TRRAP: variants seen among roughly 807,000 people sequenced by gnomAD.
TRRAP encodes the protein transformation/transcription domain-associated protein.
TRRAP carries 41 observed loss-of-function variants against 438.8 expected under a neutral mutation model. That is an observed-to-expected ratio of 0.09 (90% CI 0.07 to 0.12). The LOEUF is 0.12. TRRAP is among the 10% of genes least tolerant of loss of function. The pLI, the probability that TRRAP is intolerant of heterozygous loss-of-function variation, is 1.00. For missense variants in TRRAP, 3,122 were observed against 5,055.1 expected, an observed-to-expected ratio of 0.62 and a Z score of 11.60; for synonymous variants, 1,994 against 1,962.9, an observed-to-expected ratio of 1.02 and a Z score of -0.42.
At chr7:98,950,569 G>C (rs369389290) in intron 38 of TRRAP, among the ~76,000 whole-genome samples, 8 of 152,192 alleles carry the variant, frequency 5.3e-5, no homozygotes, top group Admixed American at 3.3e-4. Flanking sequence ...AGAAAGTGCC[G>C]TTGCTCAGGA....
At chr7:99,009,921 G>C (rs1794354628) in intron 70 of TRRAP, among the ~76,000 whole-genome samples, 1 of 109,174 alleles carries the variant, frequency 9.2e-6, no homozygotes, top group African/African-American at 3.7e-5. Context: ...GAGTTTCGCT[G>C]TTGTTGCCCA....
chr7:98,881,767 A>G, intron 2 of TRRAP: 1 of 535,022 alleles, frequency 1.9e-6, no homozygotes, highest in Non-Finnish European at 3.3e-6. Context: ...GTGTGTGTAT[A>G]TGCTTGTCAG....
Position 98,899,466 on chromosome 7 carries a change from A to G in TRRAP, c.678A>G (p.Ala226=), listed in dbSNP as rs111802990. 1.9e-6 allele frequency: 3 copies of G among 1,614,066 alleles called. No individual in the cohort carries two copies. The highest frequency in any genetic ancestry group is 2.2e-5 in the South Asian group (2 of 91,084). Residue 226 remains alanine, a synonymous_variant, in exon 9 of 73, where the codon GCA becomes GCG. Coordinates refer to ENST00000456197, the MANE Select transcript of TRRAP (RefSeq NM_001375524.1). The part of the protein sequence containing the change: ...PRGSLSLKVL[A]ELPIIVVLMY... ...GATCACTTTCTCTGAAAGTGTTGGC[A>G]GAATTGCCCATTATTGTTGTTTTAA...
chr7:98,959,290 G>T, intron 44 of TRRAP, 54 bp from the exon 45 acceptor site: 2 of 1,596,490 alleles, frequency 1.3e-6, no homozygotes, highest in South Asian at 2.3e-5. Flanking sequence ...TCACTGGAAT[G>T]ACTGTAAACT....
intron 9 of TRRAP, 27 bp from the exon 10 acceptor site, chr7:98,899,652 A>G (rs1562931439): frequency 3.7e-6 from 6 of 1,613,458 alleles, no homozygotes; most frequent in Admixed American, 1.7e-5. Context: ...GTGTCAATGT[A>G]TGAAAATCTG....
rs781813868 is a variant in TRRAP at position 98,937,318 on chromosome 7, A to G, written c.4233+41A>G. 1.3e-5 allele frequency: 20 copies of G among 1,594,026 alleles called. No homozygotes were observed. The East Asian group carries it at 4.0e-4, about 32-fold the overall frequency. On this transcript the variant is annotated intron_variant, in intron 29 of 72. Coordinates refer to ENST00000456197, the MANE Select transcript of TRRAP (RefSeq NM_001375524.1). ...TGCGTGTATGCGCACGCGTGTGTGC[A>G]CACACATGTGTGTGTACTCTGCATT...
chr7:98,999,117 C>T (rs142375607), intron 67 of TRRAP: 14 of 1,532,426 alleles, frequency 9.1e-6, no homozygotes, highest in Middle Eastern at 1.8e-4. Context: ...GAGTGGCCAC[C>T]GAAGGGCACT....
chr7:98,946,023 C>G, intron 33 of TRRAP, 73 bp downstream of exon 33: 1 of 1,347,512 alleles, frequency 7.4e-7, no homozygotes, highest in Non-Finnish European at 9.6e-7. Context: ...TTAGCTGTGT[C>G]GTGGTTCTGT....
At chr7:99,009,918 G>A (rs530507325) in intron 70 of TRRAP, among the ~76,000 whole-genome samples, 25 of 118,260 alleles carry the variant, frequency 2.1e-4, no homozygotes, top group South Asian at 1.5e-3. Flanking sequence ...ATAGAGTTTC[G>A]CTGTTGTTGC....
chr7:98,930,646 C>T lies in TRRAP; in HGVS notation c.3407C>T (p.Pro1136Leu). Residue 1136 changes from proline to leucine, a missense_variant, in exon 25 of 73, where the codon CCC becomes CTC. By Grantham distance (98) the Pro-to-Leu change is moderately conservative (BLOSUM62 -3). Transcript: ENST00000456197. Reference protein sequence around the residue: ...LGSKERACQLPLFSYIVERLC... With the variant: ...LGSKERACQLLLFSYIVERLC... ...TTTCCTCTCCAGGCCTGCCAGCTGC[C>T]CCTGTTTTCTTACATCGTGGAGCGC... 1 of 1,613,712 alleles carries T rather than the reference C, an allele frequency of 6.2e-7. No individual in the cohort carries two copies. Among genetic ancestry groups the T allele is most frequent in the Non-Finnish European group, 8.5e-7 (1 of 1,179,992 alleles).
Position 98,949,819 on chromosome 7 carries a change from T to C in TRRAP, c.5113T>C (p.Tyr1705His). 1 of 1,613,502 alleles carries C rather than the reference T, an allele frequency of 6.2e-7. No homozygotes were observed. Among genetic ancestry groups the C allele is most frequent in the Non-Finnish European group, 8.5e-7 (1 of 1,179,886 alleles). The change falls in exon 37 of 73, where the codon TAC becomes CAC. Residue 1705 changes from tyrosine to histidine, a missense_variant. This residue lies in a region of TRRAP where 272 missense variants were observed against 348.5 expected (regional missense o/e 0.78). Transcript: ENST00000456197. ...CTGGAAGGAGCCCAAGCTGCTGGCC[T>C]ACTGCCTGCTGAACTACTGCAAGTG... ...TNWKEPKLLA[Y>H]CLLNYCKRNY...
intron 18 of TRRAP, 127 bp downstream of exon 18, chr7:98,912,340 C>T: frequency 2.1e-6 from 2 of 969,626 alleles, no homozygotes; most frequent in East Asian, 2.8e-5. Context: ...GCCTTGATCT[C>T]CCCAGTTTTT....
chr7:98,992,010 C>G, intron 64 of TRRAP, 127 bp from the exon 65 acceptor site: 1 of 1,015,990 alleles, frequency 9.8e-7, no homozygotes. Flanking sequence ...GCAGTATTTG[C>G]TTCCTTGGTC....
chr7:98,986,486 G>A lies in TRRAP; in HGVS notation c.9389+1442G>A, dbSNP rs1241924764. ...TATCTGATTATAGCCATCCTAATGAGTATAAAATATATTTCATTGTGGTTT... is the reference window on the plus strand; with the variant it reads ...TATCTGATTATAGCCATCCTAATGAATATAAAATATATTTCATTGTGGTTT... On this transcript the variant is annotated intron_variant, in intron 62 of 72. Transcript: ENST00000456197. Among the ~76,000 whole-genome samples the A allele has an allele frequency of 2.0e-5, 3 of 152,188 alleles. 1 individual carries two copies. In the South Asian group the frequency reaches 6.2e-4, roughly 32 times the overall value.
Position 98,908,565 on chromosome 7 carries a change from C to T in TRRAP, c.1116-163C>T, listed in dbSNP as rs1215708361. Among the ~76,000 whole-genome samples the T allele has an allele frequency of 2.0e-5, 3 of 152,008 alleles. No homozygotes were observed. Among genetic ancestry groups the T allele is most frequent in the Non-Finnish European group, 4.4e-5 (3 of 68,038 alleles). On this transcript the variant is annotated intron_variant, in intron 13 of 72. Coordinates refer to ENST00000456197, the MANE Select transcript of TRRAP (RefSeq NM_001375524.1). The surrounding 1 kb of genome is among the most constrained non-coding windows in gnomAD (Gnocchi z 4.1). Reference sequence around the variant, plus strand: ...GGTATCAGTACAAAACTTGAGCCCTCTTCTGTCATGTATCTGGGAGAGAGT... The same window carrying T: ...GGTATCAGTACAAAACTTGAGCCCTTTTCTGTCATGTATCTGGGAGAGAGT...
intron 33 of TRRAP, among the ~76,000 whole-genome samples, chr7:98,947,867 T>C (rs566302126): frequency 6.6e-6 from 1 of 152,314 alleles, no homozygotes; most frequent in East Asian, 1.9e-4. Flanking sequence ...TGGCCCCAGG[T>C]GGAATCATCC....
chr7:98,922,451 T>C (rs782497694), intron 21 of TRRAP, among the ~76,000 whole-genome samples: 3 of 152,106 alleles, frequency 2.0e-5, no homozygotes, highest in Non-Finnish European at 2.9e-5. Context: ...CCTGCTGGAG[T>C]GTCCTGCCTG....
intron 9 of TRRAP, 81 bp from the exon 10 acceptor site, chr7:98,899,598 A>G (rs1554406312): frequency 1.2e-6 from 2 of 1,603,876 alleles, no homozygotes; most frequent in African/African-American, 2.7e-5. Flanking sequence ...ATGCTAAATA[A>G]TGTGATGATT....
Position 99,011,297 on chromosome 7 carries a change from G to A in TRRAP, c.11142+42G>A, listed in dbSNP as rs1296404992. ...AGCCAGATCCTCTCCTCGTGACATC[G>A]CCTTTCTGCTGAAGTTCCTAAAGTG... On this transcript the variant is annotated intron_variant, in intron 71 of 72. Coordinates refer to ENST00000456197, the MANE Select transcript of TRRAP (RefSeq NM_001375524.1). The surrounding 1 kb of genome is among the most constrained non-coding windows in gnomAD (Gnocchi z 7.1). 10 of 1,612,614 alleles carry A rather than the reference G, an allele frequency of 6.2e-6. No homozygotes were observed. Among genetic ancestry groups the A allele is most frequent in the Admixed American group, 1.7e-5 (1 of 59,992 alleles).
Sources: gnomAD v4.1 joint callset for allele counts (sites outside exome capture counted in the v4.1 genomes callset) on GRCh38, gnomAD v4.1.1 for gene constraint, gnomAD v4.1.1 regional missense constraint, Gnocchi (gnomAD v3.1) non-coding constraint, MANE v1.5 for transcripts, NCBI Gene and HGNC (gene_info 2026-07-23, HGNC 2026-07-21) for gene names.